IFT74: variants seen among roughly 807,000 people sequenced by gnomAD.
IFT74 encodes the protein intraflagellar transport protein 74 homolog.
A neutral mutation model predicts 96.7 loss-of-function variants in IFT74; 92 were observed. The observed-to-expected ratio is 0.95, with a 90% CI of 0.80 to 1.13. IFT74 has a LOEUF of 1.13. Among genes scored for constraint, IFT74 ranks in the 50% most tolerant of loss-of-function variants. The pLI, the probability that IFT74 is intolerant of heterozygous loss-of-function variation, is 0.00. For missense variants in IFT74, 811 were observed against 698.2 expected, an observed-to-expected ratio of 1.16 and a Z score of -1.82; for synonymous variants, 223 against 213.2, an observed-to-expected ratio of 1.05 and a Z score of -0.40.
At chr9:27,013,207 C>A (rs370285187) in intron 10 of IFT74, among the ~76,000 whole-genome samples, 53 of 152,256 alleles carry the variant, frequency 3.5e-4, no homozygotes, top group Middle Eastern at 3.4e-3. Flanking sequence ...ACGTGCTATG[C>A]TAGCTGCAGC....
chr9:27,016,221 A>G lies in IFT74; in HGVS notation c.790-686A>G, dbSNP rs563727896. Among the ~76,000 whole-genome samples, 3 of 152,270 alleles carry G rather than the reference A, an allele frequency of 2.0e-5. No individual in the cohort carries two copies. In the South Asian group the frequency reaches 6.2e-4, roughly 32 times the overall value. On this transcript the variant is annotated intron_variant, in intron 10 of 19. Coordinates refer to ENST00000380062, the MANE Select transcript of IFT74 (RefSeq NM_025103.4). ...TTCTTCCTAGCTTCTAGTGGTATCC[A>G]TTAGCTCTTGATATTGCTTGACTTG...
intron 4 of IFT74, chr9:26,983,784 T>G (rs1033516858): frequency 4.1e-5 from 6 of 147,394 alleles, no homozygotes; most frequent in Non-Finnish European, 9.0e-5. Context: ...TTCTTTTTTT[T>G]TTTTTTTTTT....
chr9:27,020,014 C>T (rs1354302797), intron 12 of IFT74, among the ~76,000 whole-genome samples: 1 of 149,334 alleles, frequency 6.7e-6, no homozygotes, highest in Non-Finnish European at 1.5e-5. Context: ...CCCAGTTTGT[C>T]GCCCAGGCTG....
At chr9:26,972,291 G>A (rs1180729558) in intron 2 of IFT74, among the ~76,000 whole-genome samples, 2 of 152,078 alleles carry the variant, frequency 1.3e-5, no homozygotes, top group Non-Finnish European at 2.9e-5. Flanking sequence ...CTAACTTGGT[G>A]GGGCGTGCTT....
intron 13 of IFT74, among the ~76,000 whole-genome samples, chr9:27,039,585 A>T (rs1819375793): frequency 2.6e-5 from 4 of 152,210 alleles, no homozygotes; most frequent in African/African-American, 9.7e-5. Context: ...TATACTGTGT[A>T]GTTTGCCCTA....
intron 14 of IFT74, among the ~76,000 whole-genome samples, chr9:27,046,344 C>G (rs1363328901): frequency 6.6e-6 from 1 of 151,982 alleles, no homozygotes; most frequent in African/African-American, 2.4e-5. Context: ...AAAAAATATG[C>G]TAAATATAAG....
At chr9:27,033,220 G>C (rs1433226721) in intron 13 of IFT74, among the ~76,000 whole-genome samples, 6 of 152,040 alleles carry the variant, frequency 3.9e-5, no homozygotes, top group Admixed American at 3.3e-4. Context: ...CTGAGAAATG[G>C]TATAGCATAG....
At chr9:27,049,975 T>C (rs541108018) in intron 16 of IFT74, among the ~76,000 whole-genome samples, 1 of 152,324 alleles carries the variant, frequency 6.6e-6, no homozygotes, top group Non-Finnish European at 1.5e-5. Flanking sequence ...AAGTTATTAT[T>C]TCAACATGTA....
chr9:27,062,875 T>TAAG lies in IFT74; in HGVS notation c.*142_*144dup. The TAAG allele has an allele frequency of 1.7e-6, 1 of 593,176 alleles. No individual in the cohort carries two copies. Among genetic ancestry groups the TAAG allele is most frequent in the Non-Finnish European group, 3.0e-6 (1 of 334,244 alleles). 36.7% of individuals were successfully genotyped at this position (593,176 alleles called of 1,614,324 possible). On this transcript the variant is annotated 3_prime_UTR_variant, in exon 20 of 20. Coordinates refer to ENST00000380062, the MANE Select transcript of IFT74 (RefSeq NM_025103.4). ...ATGTTATAATTTTTGTGGCCTCTTT[T>TAAG]AAGAATGATATTTTAAAATAGTAAA...
At chr9:26,947,290 G>T in intron 1 of IFT74, 2 of 507,952 alleles carry the variant, frequency 3.9e-6, no homozygotes, top group Non-Finnish European at 3.4e-6. Context: ...CCATGACGCA[G>T]AGTGTGTGCG....
At position 27,031,781 on chromosome 9, in the gene IFT74, T is replaced by TAAAATAAATA. The variant is rs1030206841; in HGVS notation, c.1054+2680_1054+2681insATAAATAAAA. Among the ~76,000 whole-genome samples, 7 of 122,746 alleles carry TAAAATAAATA rather than the reference T, an allele frequency of 5.7e-5. No individual in the cohort carries two copies. In the East Asian group the frequency reaches 2.1e-3, roughly 36 times the overall value. 80.5% of individuals were successfully genotyped at this position (122,746 alleles called of 152,430 possible). ...TAAAATAAAATAAAATAAAATAAAA[T>TAAAATAAATA]AAATAAAATAAAATGTAAAATAAAA... On this transcript the variant is annotated intron_variant, in intron 13 of 19. Coordinates refer to ENST00000380062, the MANE Select transcript of IFT74 (RefSeq NM_025103.4).
intron 16 of IFT74, among the ~76,000 whole-genome samples, chr9:27,052,335 C>A (rs1275905341): frequency 6.6e-6 from 1 of 151,916 alleles, no homozygotes; most frequent in East Asian, 1.9e-4. Context: ...CATGGTAAAA[C>A]CCCATCTCTA....
In IFT74 at chr9:27,047,331, T is replaced by C. The variant is rs779326799; in HGVS notation, c.1166T>C (p.Ile389Thr). The change falls in exon 15 of 20, where the codon ATA becomes ACA. Residue 389 changes from isoleucine (I) to threonine (T), a missense_variant. Physicochemically the swap from Ile to Thr is moderately conservative, Grantham distance 89. Coordinates refer to ENST00000380062, the MANE Select transcript of IFT74 (RefSeq NM_025103.4). ...KNQELKRKAQ[I>T]EANIVALLEH... ...CAGGAACTGAAACGAAAGGCACAGA[T>C]AGAAGCCAACATTGTTGCACTCTTG... 12 of 1,613,546 alleles carry C rather than the reference T, an allele frequency of 7.4e-6. No individual in the cohort carries two copies. The South Asian group carries it at 1.1e-4, about 15-fold the overall frequency.
intron 16 of IFT74, among the ~76,000 whole-genome samples, chr9:27,052,145 A>C (rs894912906): frequency 7.2e-5 from 11 of 152,230 alleles, no homozygotes; most frequent in Non-Finnish European, 1.2e-4. Flanking sequence ...ATACCAGGAA[A>C]CAAATTCAAT....
intron 13 of IFT74, among the ~76,000 whole-genome samples, chr9:27,042,368 A>G (rs1819520162): frequency 6.6e-6 from 1 of 152,148 alleles, no homozygotes; most frequent in Non-Finnish European, 1.5e-5. Flanking sequence ...ATCTGAGAGT[A>G]AGAAACGCCA....
intron 13 of IFT74, among the ~76,000 whole-genome samples, chr9:27,038,849 C>T (rs775389284): frequency 6.6e-6 from 1 of 152,134 alleles, no homozygotes; most frequent in Non-Finnish European, 1.5e-5. Flanking sequence ...ACAAAGCCTC[C>T]GTGTCACCTG....
In IFT74 at chr9:26,990,211, T is replaced by G. The variant is rs999611991; in HGVS notation, c.587+16T>G. 2 of 1,303,476 alleles carry G rather than the reference T, an allele frequency of 1.5e-6. No individual in the cohort carries two copies. Among genetic ancestry groups the G allele is most frequent in the African/African-American group, 3.0e-5 (2 of 65,706 alleles). The allele number at this position is 1,303,476 out of a possible 1,614,324, so 80.7% of individuals were successfully genotyped here. On this transcript the variant is annotated intron_variant, in intron 8 of 19. Transcript: ENST00000380062. ...AAAGACAAGCGTAAGTATAGCTAAT[T>G]TAAAAATTAGATTCATAAGTAAGCT... is the stretch of plus-strand genomic sequence containing the variant.
chr9:27,040,220 G>C (rs1819401105), intron 13 of IFT74, among the ~76,000 whole-genome samples: 1 of 152,128 alleles, frequency 6.6e-6, no homozygotes, highest in Non-Finnish European at 1.5e-5. Context: ...ATAGCAGAGT[G>C]ACCAGAATGG....
At chr9:26,956,942 G>T (rs1185357857) in intron 1 of IFT74, among the ~76,000 whole-genome samples, 2 of 152,240 alleles carry the variant, frequency 1.3e-5, no homozygotes, top group Non-Finnish European at 2.9e-5. Flanking sequence ...ATTAGAAGCA[G>T]ATGTTTTAAA....
Sources: allele counts gnomAD v4.1 joint callset (sites outside exome capture counted in the v4.1 genomes callset), GRCh38; gene constraint gnomAD v4.1.1; transcripts MANE v1.5; gene names NCBI Gene and HGNC (gene_info 2026-07-23, HGNC 2026-07-21).